The following JPH3 variants were observed in gnomAD, a reference collection of about 807,000 sequenced individuals.
JPH3 encodes the protein junctophilin 3, also known as junctophilin-3.
Under a neutral mutation model 59.6 loss-of-function variants are expected in JPH3, and 11 were observed. That is an observed-to-expected ratio of 0.18 (90% CI 0.12 to 0.31). The LOEUF (loss-of-function observed/expected upper bound fraction) is 0.31, where lower values mean the gene tolerates loss of function less well. JPH3 is among the 10% of genes least tolerant of loss of function. JPH3 has a pLI of 1.00. For synonymous variants in JPH3, 673 were observed against 483.6 expected, an observed-to-expected ratio of 1.39 and a Z score of -5.14; for missense variants, 1,202 against 1,105.7, an observed-to-expected ratio of 1.09 and a Z score of -1.24.
intron 1 of JPH3, among the ~76,000 whole-genome samples, chr16:87,608,648 A>T (rs908031145): frequency 3.3e-5 from 5 of 152,144 alleles, no homozygotes; most frequent in African/African-American, 1.2e-4. Context: ...GGCTGGACTC[A>T]CTTTCGCTCT....
In JPH3 at chr16:87,690,515, A is replaced by C; in HGVS notation, c.2155A>C (p.Lys719Gln). The change falls in exon 4 of 5, where the codon AAG (lysine) becomes CAG (glutamine). Residue 719 changes from lysine to glutamine, a missense_variant. Physicochemically the swap from Lys to Gln is moderately conservative, Grantham distance 53. Transcript: ENST00000284262. Reference protein sequence around the residue: ...ESDEENGDELKSSTGSAPILV... With the variant: ...ESDEENGDELQSSTGSAPILV... ...CGACGAGGAGAATGGGGATGAGCTC[A>C]AGTCCAGTACGGTGAGTGGGCGGCC... The C allele has an allele frequency of 6.8e-7, 1 of 1,478,912 alleles. No individual in the cohort carries two copies. The highest frequency in any genetic ancestry group is 9.0e-7 in the Non-Finnish European group (1 of 1,115,414). The allele number at this position is 1,478,912 out of a possible 1,614,324, so 91.6% of individuals were successfully genotyped here.
At chr16:87,672,683 C>T (rs1047152484) in intron 2 of JPH3, among the ~76,000 whole-genome samples, 2 of 152,242 alleles carry the variant, frequency 1.3e-5, no homozygotes, top group Non-Finnish European at 2.9e-5. Context: ...ACCACCAGAG[C>T]AGGGTGTCCA....
intron 2 of JPH3, among the ~76,000 whole-genome samples, chr16:87,679,694 G>A (rs890143069): frequency 6.6e-6 from 1 of 152,234 alleles, no homozygotes; most frequent in Admixed American, 6.5e-5. Flanking sequence ...GGTCTGGGCT[G>A]GGTGTTGACC....
chr16:87,612,597 A>C (rs2030770331), intron 1 of JPH3, among the ~76,000 whole-genome samples: 1 of 152,188 alleles, frequency 6.6e-6, no homozygotes, highest in Admixed American at 6.5e-5. Context: ...TGACACTGGA[A>C]ACTTTAAGGC....
chr16:87,610,322 C>T (rs1218996533), intron 1 of JPH3, among the ~76,000 whole-genome samples: 5 of 152,290 alleles, frequency 3.3e-5, no homozygotes, highest in East Asian at 1.9e-4. Flanking sequence ...TGGGACTAGT[C>T]GCCACCATAT....
At chr16:87,616,643 C>A (rs1014146510) in intron 1 of JPH3, among the ~76,000 whole-genome samples, 6 of 152,106 alleles carry the variant, frequency 3.9e-5, no homozygotes, top group African/African-American at 9.7e-5. Context: ...CGGTGTCCCC[C>A]TCATGTGGTC....
chr16:87,692,213 C>A (rs558538441), intron 4 of JPH3, among the ~76,000 whole-genome samples: 1 of 129,180 alleles, frequency 7.7e-6, no homozygotes, highest in African/African-American at 2.5e-5. Context: ...CCCTGTCTCC[C>A]TCCCCGTCTC....
intron 2 of JPH3, among the ~76,000 whole-genome samples, chr16:87,675,407 C>T (rs911415656): frequency 1.3e-5 from 2 of 152,246 alleles, no homozygotes; most frequent in African/African-American, 4.8e-5. Flanking sequence ...CCTCTTGCTC[C>T]TGGGCAGGAC....
chr16:87,687,632 A>AC (rs34574252), intron 3 of JPH3, among the ~76,000 whole-genome samples: 11,166 of 152,272 alleles, frequency 0.073, 1,301 homozygotes, highest in African/African-American at 0.25. Flanking sequence ...AGGCACAGGA[A>AC]GAAGCTGCAG....
At chr16:87,604,664 C>G (rs1015259244) in intron 1 of JPH3, 4 of 1,160,208 alleles carry the variant, frequency 3.4e-6, no homozygotes, top group African/African-American at 1.6e-5. Flanking sequence ...CTCGCTGCCT[C>G]CGAGTCTCAT....
At chr16:87,677,195 C>T (rs1049379615) in intron 2 of JPH3, among the ~76,000 whole-genome samples, 1 of 115,866 alleles carries the variant, frequency 8.6e-6, no homozygotes, top group Non-Finnish European at 1.7e-5. Flanking sequence ...TACACACACA[C>T]ACACACACAC....
chr16:87,648,028 C>G (rs1366884117), intron 2 of JPH3, among the ~76,000 whole-genome samples: 1 of 152,190 alleles, frequency 6.6e-6, no homozygotes, highest in Non-Finnish European at 1.5e-5. Flanking sequence ...GGCGTGGGGC[C>G]GGGCCTGTGG....
At chr16:87,677,619 C>A (rs916012966) in intron 2 of JPH3, among the ~76,000 whole-genome samples, 2 of 152,148 alleles carry the variant, frequency 1.3e-5, no homozygotes, top group African/African-American at 4.8e-5. Context: ...AGCTGGTGAA[C>A]GTGGACAGCG....
intron 3 of JPH3, among the ~76,000 whole-genome samples, chr16:87,686,799 G>T (rs747485964): frequency 1.3e-5 from 2 of 152,200 alleles, no homozygotes; most frequent in African/African-American, 2.4e-5. Context: ...TGCCTCCTCC[G>T]ACAGTTCTTG....
At chr16:87,670,431 T>A (rs1215773909) in intron 2 of JPH3, among the ~76,000 whole-genome samples, 4 of 152,192 alleles carry the variant, frequency 2.6e-5, no homozygotes, top group Non-Finnish European at 4.4e-5. Context: ...TTGCCACCGA[T>A]TATTCTATCA....
chr16:87,641,773 C>T lies in JPH3; in HGVS notation c.383-2485C>T, dbSNP rs77494944. On this transcript the variant is annotated intron_variant, in intron 1 of 4. Coordinates refer to ENST00000284262, the MANE Select transcript of JPH3 (RefSeq NM_020655.4). The stretch of plus-strand genomic sequence containing the variant: ...TGCAGCCTGATTGGTGATCTTTGCA[C>T]GCCCCTTCTCTGCCCTGGCTGGGCC... Among the ~76,000 whole-genome samples the T allele has an allele frequency of 6.4e-3, 976 of 152,380 alleles. 4 individuals are homozygous for T. The highest frequency in any genetic ancestry group is 9.9e-3 in the Non-Finnish European group (673 of 68,036).
At chr16:87,656,229 T>G (rs2032497845) in intron 2 of JPH3, among the ~76,000 whole-genome samples, 1 of 152,010 alleles carries the variant, frequency 6.6e-6, no homozygotes, top group Admixed American at 6.5e-5. Context: ...GGAAACAGAG[T>G]CTTTCATGCT....
intron 2 of JPH3, among the ~76,000 whole-genome samples, chr16:87,662,933 G>C (rs181815557): frequency 3.9e-5 from 6 of 152,112 alleles, no homozygotes; most frequent in Non-Finnish European, 8.8e-5. Context: ...GCACCCCTTC[G>C]GGGCTGCTGC....
intron 2 of JPH3, among the ~76,000 whole-genome samples, chr16:87,663,647 A>G (rs960720920): frequency 3.3e-5 from 5 of 152,150 alleles, no homozygotes; most frequent in Non-Finnish European, 5.9e-5. Context: ...CGCACCTCAC[A>G]CAGCCCCAGC....
Sources: gnomAD v4.1 joint callset for allele counts (sites outside exome capture counted in the v4.1 genomes callset) on GRCh38, gnomAD v4.1.1 for gene constraint, MANE v1.5 for transcripts, NCBI Gene and HGNC (gene_info 2026-07-23, HGNC 2026-07-21) for gene names.